The following KIAA0319L variants were observed in gnomAD, a reference collection of about 807,000 sequenced individuals.
KIAA0319L encodes dyslexia-associated protein KIAA0319-like protein.
KIAA0319L carries 55 observed loss-of-function variants against 120.1 expected under a neutral mutation model. The observed-to-expected ratio is 0.46, with a 90% CI of 0.37 to 0.57. The LOEUF (loss-of-function observed/expected upper bound fraction) is 0.57. Among genes scored for constraint, KIAA0319L ranks in the 20% least tolerant of loss-of-function variants. The pLI, the probability that KIAA0319L is intolerant of heterozygous loss-of-function variation, is 0.00. For missense variants in KIAA0319L, 1,049 were observed against 1,255.3 expected, an observed-to-expected ratio of 0.84 and a Z score of 2.48; for synonymous variants, 398 against 471.9, an observed-to-expected ratio of 0.84 and a Z score of 2.03.
chr1:35,450,572 G>T, intron 13 of KIAA0319L, 63 bp from the exon 14 acceptor site: 1 of 1,471,172 alleles, frequency 6.8e-7, no homozygotes, highest in Non-Finnish European at 9.4e-7. Context: ...GTTTCTTCAT[G>T]ATGCTTATGG....
chr1:35,467,258 T>A (rs1643330196), intron 6 of KIAA0319L, among the ~76,000 whole-genome samples: 1 of 152,062 alleles, frequency 6.6e-6, no homozygotes, highest in African/African-American at 2.4e-5. Flanking sequence ...ATTAAAATAA[T>A]CATCACTTCA....
At position 35,471,027 on chromosome 1, in the gene KIAA0319L, C is replaced by G. The variant is rs371451143; in HGVS notation, c.1016-67G>C. 10 of 892,248 alleles carry G rather than the reference C, an allele frequency of 1.1e-5. No homozygotes were observed. In the Admixed American group the frequency reaches 1.2e-4, roughly 11 times the overall value. The allele number at this position is 892,248 out of a possible 1,614,324, so 55.3% of individuals were successfully genotyped here. On this transcript the variant is annotated intron_variant, in intron 5 of 20. Transcript: ENST00000325722. ...ACACACAAAGAGGACAGCCACATAGCCTGCCAATAACAAATCTCTTCTGAT... is the reference window on the plus strand; with the variant it reads ...ACACACAAAGAGGACAGCCACATAGGCTGCCAATAACAAATCTCTTCTGAT...
intron 2 of KIAA0319L, among the ~76,000 whole-genome samples, chr1:35,533,769 G>A (rs1646463791): frequency 6.6e-6 from 1 of 152,160 alleles, no homozygotes; most frequent in African/African-American, 2.4e-5. Flanking sequence ...AGATAAGCAG[G>A]CACATTATCA....
intron 1 of KIAA0319L, among the ~76,000 whole-genome samples, chr1:35,555,992 G>A (rs143780264): frequency 6.6e-6 from 1 of 152,300 alleles, no homozygotes; most frequent in Non-Finnish European, 1.5e-5. Flanking sequence ...ACCTATAATT[G>A]CCTAAGGGCA....
rs187691490 is a variant in KIAA0319L at position 35,434,845 on chromosome 1, C to G, written c.*49G>C. The G allele has an allele frequency of 1.9e-5, 29 of 1,526,448 alleles. No individual in the cohort carries two copies. In the East Asian group the frequency reaches 6.7e-4, roughly 35 times the overall value. 94.6% of individuals were successfully genotyped at this position (1,526,448 alleles called of 1,614,324 possible). ...CCCGCAGACTCGGGAGGTAGGAGGA[C>G]TGGCCGGGCAGTGTGCTGGGCCCTG... On this transcript the variant is annotated 3_prime_UTR_variant, in exon 21 of 21. Coordinates refer to ENST00000325722, the MANE Select transcript of KIAA0319L (RefSeq NM_024874.5).
At chr1:35,542,817 C>T (rs1237445183) in intron 2 of KIAA0319L, among the ~76,000 whole-genome samples, 2 of 152,202 alleles carry the variant, frequency 1.3e-5, no homozygotes, top group Non-Finnish European at 2.9e-5. Context: ...TTCGGCCCTG[C>T]AATTGTTGTT....
At chr1:35,525,915 A>G (rs148579988) in intron 2 of KIAA0319L, among the ~76,000 whole-genome samples, 118 of 152,152 alleles carry the variant, frequency 7.8e-4, no homozygotes, top group African/African-American at 2.7e-3. Flanking sequence ...TGCCTAGACC[A>G]ATATGCTAGA....
chr1:35,448,445 C>A, intron 15 of KIAA0319L, 113 bp from the exon 16 acceptor site: 1 of 1,023,914 alleles, frequency 9.8e-7, no homozygotes, highest in Admixed American at 2.2e-5. Flanking sequence ...TTCAGATATC[C>A]TTCAAATGGA....
chr1:35,503,127 TC>T (rs1193741328), intron 3 of KIAA0319L, among the ~76,000 whole-genome samples: 3 of 152,012 alleles, frequency 2.0e-5, no homozygotes, highest in Admixed American at 6.6e-5. Context: ...TATTACCCAC[TC>T]CCCCCAATCC....
intron 4 of KIAA0319L, among the ~76,000 whole-genome samples, chr1:35,475,381 T>C (rs1470428906): frequency 6.6e-6 from 1 of 152,200 alleles, no homozygotes; most frequent in African/African-American, 2.4e-5. Context: ...ATATATAAAG[T>C]TTCTAGAAGG....
At chr1:35,440,959 T>TAA (rs1434690594) in intron 20 of KIAA0319L, 88 bp downstream of exon 20, 1 of 992,698 alleles carries the variant, frequency 1.0e-6, no homozygotes, top group Non-Finnish European at 1.6e-6. Context: ...AGTGGGCTGT[T>TAA]AGTGACACAC....
At chr1:35,539,157 T>C (rs1646697873) in intron 2 of KIAA0319L, among the ~76,000 whole-genome samples, 1 of 152,008 alleles carries the variant, frequency 6.6e-6, no homozygotes, top group African/African-American at 2.4e-5. Context: ...CTCCACCACT[T>C]CCTCTCCACT....
At chr1:35,481,701 C>T (rs912467728) in intron 3 of KIAA0319L, among the ~76,000 whole-genome samples, 1 of 151,000 alleles carries the variant, frequency 6.6e-6, no homozygotes, top group Non-Finnish European at 1.5e-5. Flanking sequence ...TATGTATACA[C>T]ATTTGAAACC....
chr1:35,510,537 C>T (rs983450500), intron 2 of KIAA0319L: 2 of 152,002 alleles, frequency 1.3e-5, no homozygotes, highest in East Asian at 1.9e-4. Flanking sequence ...AGAAGGCAGT[C>T]GTTACTCATC....
intron 2 of KIAA0319L, among the ~76,000 whole-genome samples, chr1:35,523,325 T>C (rs1421690391): frequency 6.6e-6 from 1 of 152,228 alleles, no homozygotes; most frequent in South Asian, 2.1e-4. Context: ...CCATCTTCTT[T>C]TATTCTTTTA....
At chr1:35,486,502 C>T (rs946510703) in intron 3 of KIAA0319L, among the ~76,000 whole-genome samples, 1 of 151,508 alleles carries the variant, frequency 6.6e-6, no homozygotes, top group Non-Finnish European at 1.5e-5. Flanking sequence ...GTTTTTTACA[C>T]GAAAACTACA....
Position 35,506,991 on chromosome 1 carries a change from T to C in KIAA0319L, c.287A>G (p.His96Arg). 2 of 1,613,380 alleles carry C rather than the reference T, an allele frequency of 1.2e-6. No homozygotes were observed. Among genetic ancestry groups the C allele is most frequent in the East Asian group, 2.2e-5 (1 of 44,872 alleles). ...WAACCQDSAC[H>R]VFWWLEGMCI... The stretch of plus-strand genomic sequence containing the variant: ...CATCCCTTCTAGCCACCAAAAGACA[T>C]GGCAGGCAGAGTCCTGGCAGCAGGC... The change falls in exon 3 of 21, where the codon CAT becomes CGT. Residue 96 changes from histidine to arginine, a missense_variant. Transcript: ENST00000325722. This position sits in a 1 kb window ranked among gnomAD's most constrained non-coding sequence, Gnocchi z 4.0.
Position 35,451,772 on chromosome 1 carries a change from G to A in KIAA0319L, c.1918C>T (p.Pro640Ser), listed in dbSNP as rs771251256. Residue 640 changes from proline (P) to serine (S), a missense_variant, in exon 13 of 21, where the codon CCT becomes TCT. By Grantham distance (74) the Pro-to-Ser change is moderately conservative. Coordinates refer to ENST00000325722, the MANE Select transcript of KIAA0319L (RefSeq NM_024874.5). The stretch of plus-strand genomic sequence containing the variant: ...GCATTCTCGAGCTGCACCCCATCAG[G>A]TCCCCTGCAAAAAAAGAAACTAGAG... ...ISYLWEKTQG[P>S]DGVQLENANS... is the part of the protein sequence containing the mutation. 1 of 1,613,564 alleles carries A rather than the reference G, an allele frequency of 6.2e-7. No individual in the cohort carries two copies. Among genetic ancestry groups the A allele is most frequent in the Non-Finnish European group, 8.5e-7 (1 of 1,179,760 alleles).
At chr1:35,549,302 C>T (rs1477900869) in intron 2 of KIAA0319L, among the ~76,000 whole-genome samples, 1 of 152,066 alleles carries the variant, frequency 6.6e-6, no homozygotes, top group Non-Finnish European at 1.5e-5. Context: ...CCTGCCTCAG[C>T]CTCTCAAAGT....
Sources: allele counts gnomAD v4.1 joint callset (sites outside exome capture counted in the v4.1 genomes callset), GRCh38; gene constraint gnomAD v4.1.1; non-coding constraint Gnocchi (gnomAD v3.1); transcripts MANE v1.5; gene names NCBI Gene and HGNC (gene_info 2026-07-23, HGNC 2026-07-21).